Variants in SORCS2 observed in about 807,000 individuals in gnomAD.
The protein encoded by SORCS2 is VPS10 domain-containing receptor SorCS2.
A neutral mutation model predicts 141.6 loss-of-function variants in SORCS2; 100 were observed. That is an observed-to-expected ratio of 0.71 (90% CI 0.60 to 0.83). SORCS2 has a LOEUF of 0.83. Ranked by LOEUF, SORCS2 falls within the 40% of genes least tolerant of loss-of-function variation. The probability of loss-of-function intolerance (pLI) is 0.00; values close to 1 mark genes in which losing one functional copy is unlikely to be tolerated. For synonymous variants in SORCS2, 789 were observed against 676.9 expected (o/e 1.17, Z -2.57); for missense variants, 1,646 against 1,560.2 (o/e 1.05, Z -0.93).
intron 2 of SORCS2, among the ~76,000 whole-genome samples, chr4:7,441,116 G>A (rs754015022): frequency 5.3e-5 from 8 of 152,184 alleles, no homozygotes; most frequent in South Asian, 2.1e-4. Flanking sequence ...AGGGGGACTC[G>A]GCAAGGGCGA....
chr4:7,680,716 C>T (rs552550720), intron 9 of SORCS2, among the ~76,000 whole-genome samples: 2 of 152,364 alleles, frequency 1.3e-5, no homozygotes, highest in Admixed American at 6.5e-5. Context: ...GTGTGATCCC[C>T]TTGGCTCCTG....
intron 3 of SORCS2, among the ~76,000 whole-genome samples, chr4:7,555,155 C>A (rs1577741204): frequency 6.6e-6 from 1 of 152,226 alleles, no homozygotes; most frequent in Non-Finnish European, 1.5e-5. Flanking sequence ...GGTAAACACT[C>A]CCTCTATGTG....
rs74814369 is a variant in SORCS2, at chr4:7,666,847, G to C, written c.1072-277G>C. 5.0e-3 allele frequency among the ~76,000 whole-genome samples: 759 copies of C among 152,228 alleles called. 8 individuals are homozygous for C. Among genetic ancestry groups the C allele is most frequent in the African/African-American group, 0.017 (721 of 41,532 alleles). On this transcript the variant is annotated intron_variant, in intron 7 of 26. Coordinates refer to ENST00000507866, the MANE Select transcript of SORCS2 (RefSeq NM_020777.3). ...TCTCCATCGGAACTTTCTCCACCTTGTTCCATAAGTTGGATGCAGAGCAGC... is the reference window on the plus strand; with the variant it reads ...TCTCCATCGGAACTTTCTCCACCTTCTTCCATAAGTTGGATGCAGAGCAGC...
rs192492051 is a variant in SORCS2, at chr4:7,193,527, G to A, written c.480+401G>A. On this transcript the variant is annotated intron_variant, in intron 1 of 26. Transcript: ENST00000507866. The surrounding 1 kb of genome is among the most constrained non-coding windows in gnomAD (Gnocchi z 4.8). Reference sequence around the variant, plus strand: ...TCCACCAGCTGAGCGTCGCGTTCTGGGATTTTGGGCTCCGGGATCCTTCCC... The same window carrying A: ...TCCACCAGCTGAGCGTCGCGTTCTGAGATTTTGGGCTCCGGGATCCTTCCC... 1.4e-3 allele frequency among the ~76,000 whole-genome samples: 216 copies of A among 152,242 alleles called. 1 individual carries two copies. Among genetic ancestry groups the A allele is most frequent in the African/African-American group, 5.1e-3 (212 of 41,554 alleles).
intron 2 of SORCS2, among the ~76,000 whole-genome samples, chr4:7,439,255 G>A (rs1452725106): frequency 6.6e-6 from 1 of 151,950 alleles, no homozygotes; most frequent in Non-Finnish European, 1.5e-5. Flanking sequence ...ACAAGACTAC[G>A]AGTTCATACT....
intron 2 of SORCS2, among the ~76,000 whole-genome samples, chr4:7,438,143 C>T (rs1727426369): frequency 6.6e-6 from 1 of 152,196 alleles, no homozygotes; most frequent in Non-Finnish European, 1.5e-5. Context: ...CATTGATTTC[C>T]CAGGTCCAGC....
At chr4:7,688,174 G>C (rs1723992121) in intron 10 of SORCS2, among the ~76,000 whole-genome samples, 1 of 152,192 alleles carries the variant, frequency 6.6e-6, no homozygotes, top group Non-Finnish European at 1.5e-5. Context: ...ATGAAATGAA[G>C]AGAGAGGATA....
At chr4:7,433,125 G>C (rs1726999049) in intron 2 of SORCS2, 13 of 517,912 alleles carry the variant, frequency 2.5e-5, no homozygotes. Flanking sequence ...GCTTTCAAGG[G>C]CAAAGCTGTG....
chr4:7,385,304 G>A (rs776876319), intron 1 of SORCS2, among the ~76,000 whole-genome samples: 4 of 152,242 alleles, frequency 2.6e-5, no homozygotes, highest in African/African-American at 7.2e-5. Flanking sequence ...TGCAGGATCA[G>A]TGTCTTTGAA....
intron 2 of SORCS2, among the ~76,000 whole-genome samples, chr4:7,470,939 G>A (rs1351484655): frequency 2.2e-5 from 2 of 89,006 alleles, no homozygotes; most frequent in East Asian, 7.3e-4. Context: ...AGGCAGATGA[G>A]AGTGGGTGGG....
At chr4:7,734,556 G>A (rs1204137496) in intron 25 of SORCS2, among the ~76,000 whole-genome samples, 182 bp downstream of exon 25, 4 of 152,146 alleles carry the variant, frequency 2.6e-5, no homozygotes, top group African/African-American at 9.6e-5. Flanking sequence ...CCACCTGTGG[G>A]GTCCCTGGAA....
In SORCS2 at chr4:7,412,959, A is replaced by ACCATGAGC. The variant is rs534883023; in HGVS notation, c.548+16608_548+16615dup. ...TGCACCTGGCAGAAGCTCTGGGACC[A>ACCATGAGC]CCATGAGCCCAGGGGCTTTCAGAAT... On this transcript the variant is annotated intron_variant, in intron 2 of 26. Coordinates refer to ENST00000507866, the MANE Select transcript of SORCS2 (RefSeq NM_020777.3). Among the ~76,000 whole-genome samples the ACCATGAGC allele has an allele frequency of 4.7e-4, 72 of 152,220 alleles. 1 individual carries two copies. Among genetic ancestry groups the ACCATGAGC allele is most frequent in the Admixed American group, 4.1e-3 (62 of 15,304 alleles).
At chr4:7,471,395 T>A (rs928172849) in intron 2 of SORCS2, among the ~76,000 whole-genome samples, 3 of 152,220 alleles carry the variant, frequency 2.0e-5, no homozygotes, top group African/African-American at 7.2e-5. Context: ...CAGGTCTCCA[T>A]TTATAAATTC....
intron 3 of SORCS2, among the ~76,000 whole-genome samples, chr4:7,561,235 A>C (rs549243078): frequency 2.0e-5 from 3 of 152,126 alleles, no homozygotes; most frequent in Non-Finnish European, 4.4e-5. Context: ...GGCTACTGAG[A>C]CATGGGAACA....
In SORCS2 at chr4:7,379,159, G is replaced by A. The variant is rs546600251; in HGVS notation, c.481-17129G>A. 3.6e-4 allele frequency among the ~76,000 whole-genome samples: 55 copies of A among 152,316 alleles called. No individual in the cohort carries two copies. The South Asian group carries it at 6.2e-3, about 17-fold the overall frequency. ...CCAGGTTGGAGGGAGGCACATCCGA[G>A]TATGGGCCAGCTCTCCGTGTGGGCC... On this transcript the variant is annotated intron_variant, in intron 1 of 26. Coordinates refer to ENST00000507866, the MANE Select transcript of SORCS2 (RefSeq NM_020777.3).
intron 3 of SORCS2, among the ~76,000 whole-genome samples, chr4:7,621,430 AGTGTGTGTCTATGT>A (rs979398913): frequency 6.1e-5 from 7 of 114,218 alleles, no homozygotes; most frequent in African/African-American, 2.3e-4. Flanking sequence ...TGTGTGTGTG[AGTGTGTGTCTATGT>A]GTGTGTCTGT....
chr4:7,703,335 C>T lies in SORCS2; in HGVS notation c.1724C>T (p.Ala575Val), dbSNP rs752078837. Reference protein sequence around the residue: ...LYLDHGGVIVAIKDTSIPLKI... With the variant: ...LYLDHGGVIVVIKDTSIPLKI... ...CTGGACCACGGCGGCGTGATCGTGG[C>T]CATCAAAGACACCTCCATCCCTTTG... Residue 575 changes from alanine (A) to valine (V), a missense_variant, in exon 13 of 27, where the codon GCC becomes GTC. Coordinates refer to ENST00000507866, the MANE Select transcript of SORCS2 (RefSeq NM_020777.3). 6.2e-7 allele frequency: 1 copy of T among 1,613,366 alleles called. No homozygotes were observed. Among genetic ancestry groups the T allele is most frequent in the Non-Finnish European group, 8.5e-7 (1 of 1,179,668 alleles).
At position 7,271,460 on chromosome 4, in the gene SORCS2, C is replaced by T. The variant is rs1017830328; in HGVS notation, c.480+78334C>T. ...TGCTGTTGCCCTTGCCTGGAATACCCTTCCCCACTTCCTTCAGGCCTATAT... is the reference window on the plus strand; with the variant it reads ...TGCTGTTGCCCTTGCCTGGAATACCTTTCCCCACTTCCTTCAGGCCTATAT... On this transcript the variant is annotated intron_variant, in intron 1 of 26. Transcript: ENST00000507866. Among the ~76,000 whole-genome samples the T allele has an allele frequency of 2.0e-5, 3 of 152,196 alleles. No homozygotes were observed. In the South Asian group the frequency reaches 6.2e-4, roughly 32 times the overall value.
At chr4:7,607,495 C>T (rs553378990) in intron 3 of SORCS2, among the ~76,000 whole-genome samples, 4 of 152,262 alleles carry the variant, frequency 2.6e-5, no homozygotes, top group Non-Finnish European at 4.4e-5. Flanking sequence ...TGTCATTGAG[C>T]GCTTCTTGGG....
Sources: allele counts gnomAD v4.1 joint callset (sites outside exome capture counted in the v4.1 genomes callset), GRCh38; gene constraint gnomAD v4.1.1; non-coding constraint Gnocchi (gnomAD v3.1); transcripts MANE v1.5; gene names NCBI Gene and HGNC (gene_info 2026-07-23, HGNC 2026-07-21).